Variants in ZNF169 observed in about 807,000 individuals in gnomAD.
The protein encoded by ZNF169 is zinc finger protein 169.
A neutral mutation model predicts 12.0 loss-of-function variants in ZNF169; 11 were observed. The observed-to-expected ratio is 0.92, with a 90% CI of 0.58 to 1.52. The LOEUF is 1.52. ZNF169 is among the 40% of genes most tolerant of loss of function. The probability of loss-of-function intolerance (pLI) is 0.00; values close to 1 mark genes in which losing one functional copy is unlikely to be tolerated. For missense variants in ZNF169, 722 were observed against 744.0 expected, an observed-to-expected ratio of 0.97 and a Z score of 0.34; for synonymous variants, 302 against 286.5, an observed-to-expected ratio of 1.05 and a Z score of -0.55.
chr9:94,292,643 G>A (rs537215462), intron 3 of ZNF169, 176 bp downstream of exon 3: 18 of 799,480 alleles, frequency 2.3e-5, no homozygotes, highest in South Asian at 5.6e-5. Flanking sequence ...GTGTGTGTGC[G>A]CGTGCACATG....
At chr9:94,267,763 C>T (rs1470851813) in intron 1 of ZNF169, among the ~76,000 whole-genome samples, 1 of 151,652 alleles carries the variant, frequency 6.6e-6, no homozygotes, top group South Asian at 2.1e-4. Flanking sequence ...GAGTCCTGAA[C>T]GTTTTTCCTC....
chr9:94,278,755 C>G lies in ZNF169; in HGVS notation c.-55-3C>G, dbSNP rs1456060590. ...CTCTCTCACTTCTCATCTCTTTCCC[C>G]AGATTTGCCTCTGCAACTTGACTCT... On this transcript the variant is annotated splice_polypyrimidine_tract_variant and splice_region_variant and intron_variant, in intron 1 of 4. Transcript: ENST00000395395. The G allele has an allele frequency of 6.4e-7, 1 of 1,566,770 alleles. No homozygotes were observed. The highest frequency in any genetic ancestry group is 8.8e-7 in the Non-Finnish European group (1 of 1,139,998).
intron 2 of ZNF169, chr9:94,288,303 A>G (rs1468090960): frequency 4.7e-6 from 4 of 859,942 alleles, no homozygotes; most frequent in South Asian, 2.6e-5. Flanking sequence ...CAGTAACCTC[A>G]GTGCCTGGTG....
chr9:94,270,354 CT>C (rs1297848087), intron 1 of ZNF169, among the ~76,000 whole-genome samples: 2 of 151,736 alleles, frequency 1.3e-5, no homozygotes, highest in African/African-American at 2.4e-5. Context: ...CACTTCTTTT[CT>C]ACTCTTTCTT....
intron 1 of ZNF169, among the ~76,000 whole-genome samples, chr9:94,273,575 C>CTTTTTTTTTTTTT (rs768421966): frequency 9.1e-6 from 1 of 109,964 alleles, no homozygotes; most frequent in Non-Finnish European, 1.9e-5. Context: ...AACTTTCTTT[C>CTTTTTTTTTTTTT]TTTCTTTTTT....
Position 94,300,290 on chromosome 9 carries a change from C to T in ZNF169, c.732C>T (p.Cys244=), listed in dbSNP as rs1451522989. The part of the protein sequence containing the change: ...HVCPECGRGF[C]QRSDLIKHQR... ...GCCCTGAATGCGGGAGAGGCTTTTG[C>T]CAGAGATCAGACCTTATCAAGCACC... The change falls in exon 5 of 5, where the codon TGC becomes TGT. Residue 244 remains cysteine (C), a synonymous_variant. Transcript: ENST00000395395. The T allele has an allele frequency of 6.2e-7, 1 of 1,614,170 alleles. No individual in the cohort carries two copies. Among genetic ancestry groups the T allele is most frequent in the Non-Finnish European group, 8.5e-7 (1 of 1,180,024 alleles).
chr9:94,285,612 C>A (rs1830708043), intron 2 of ZNF169, among the ~76,000 whole-genome samples: 4 of 152,164 alleles, frequency 2.6e-5, no homozygotes, highest in South Asian at 2.1e-4. Flanking sequence ...TATAAGTACA[C>A]TTCTGAAGAC....
intron 1 of ZNF169, among the ~76,000 whole-genome samples, chr9:94,268,784 T>C (rs1440100764): frequency 1.1e-5 from 1 of 90,776 alleles, no homozygotes; most frequent in African/African-American, 4.9e-5. Flanking sequence ...AGACTCCATT[T>C]CAAAAAAAAA....
intron 3 of ZNF169, 43 bp downstream of exon 3, chr9:94,292,510 A>G (rs1219619296): frequency 6.3e-7 from 1 of 1,587,398 alleles, no homozygotes; most frequent in South Asian, 1.1e-5. Context: ...GCTTGTGGGT[A>G]TTTTAAGCTC....
chr9:94,271,158 C>T (rs900947797), intron 1 of ZNF169, among the ~76,000 whole-genome samples: 3 of 148,872 alleles, frequency 2.0e-5, no homozygotes, highest in Admixed American at 6.9e-5. Context: ...TGCAGTAGCA[C>T]GATCATGGCT....
chr9:94,278,697 G>A (rs1830566533), intron 1 of ZNF169, 61 bp from the exon 2 acceptor site: 2 of 947,532 alleles, frequency 2.1e-6, no homozygotes, highest in Admixed American at 2.1e-5. Flanking sequence ...TTGGGAGGCT[G>A]GACAGAGTGT....
intron 1 of ZNF169, among the ~76,000 whole-genome samples, chr9:94,268,710 C>T (rs770895294): frequency 4.7e-5 from 7 of 147,698 alleles, no homozygotes; most frequent in Non-Finnish European, 8.9e-5. Context: ...TTGCTTGAAC[C>T]GGGAGGCAGG....
At chr9:94,279,323 T>A (rs924340358) in intron 2 of ZNF169, among the ~76,000 whole-genome samples, 1 of 151,188 alleles carries the variant, frequency 6.6e-6, no homozygotes, top group Non-Finnish European at 1.5e-5. Flanking sequence ...CCCAGGAGGC[T>A]GAGGTTGCAG....
intron 2 of ZNF169, chr9:94,288,193 A>G (rs1202650812): frequency 5.0e-6 from 4 of 804,984 alleles, no homozygotes; most frequent in Non-Finnish European, 6.6e-6. Context: ...ATGTGCTCCT[A>G]CTTGTACCCT....
Position 94,299,993 on chromosome 9 carries a change from G to A in ZNF169, c.435G>A (p.Glu145=). The part of the protein sequence containing the change: ...RCSSEKGESG[E]TEGPDSSLRK... ...CTAGTGAAAAAGGAGAAAGTGGAGA[G>A]ACAGAAGGCCCCGACAGCTCATTAA... is the stretch of plus-strand genomic sequence containing the variant. Residue 145 remains glutamate, a synonymous_variant, in exon 5 of 5, where the codon GAG becomes GAA. Transcript: ENST00000395395. 2.5e-6 allele frequency: 4 copies of A among 1,614,108 alleles called. No homozygotes were observed. Among genetic ancestry groups the A allele is most frequent in the Non-Finnish European group, 3.4e-6 (4 of 1,180,032 alleles).
chr9:94,300,209 T>C lies in ZNF169; in HGVS notation c.651T>C (p.Tyr217=). Residue 217 remains tyrosine (Y), a synonymous_variant, in exon 5 of 5, where the codon TAT becomes TAC. Coordinates refer to ENST00000395395, the MANE Select transcript of ZNF169 (RefSeq NM_194320.4). ...SESGAVIRGN[Y]RLGLSKKSSL... ...CTGGAGCAGTCATACGTGGAAACTA[T>C]AGACTGGGACTTAGCAAAAAGTCAA... 5.6e-6 allele frequency: 9 copies of C among 1,614,172 alleles called. No homozygotes were observed. The highest frequency in any genetic ancestry group is 7.6e-6 in the Non-Finnish European group (9 of 1,180,018).
chr9:94,279,697 T>A (rs569650139), intron 2 of ZNF169, among the ~76,000 whole-genome samples: 15 of 152,078 alleles, frequency 9.9e-5, no homozygotes, highest in Non-Finnish European at 2.2e-4. Flanking sequence ...AGGGATGAGA[T>A]GACTGGCAGG....
At chr9:94,286,977 A>G (rs992387056) in intron 2 of ZNF169, among the ~76,000 whole-genome samples, 1 of 152,200 alleles carries the variant, frequency 6.6e-6, no homozygotes, top group African/African-American at 2.4e-5. Flanking sequence ...CTTTCAGGTG[A>G]GTTTGTACAC....
rs1013701591 is a variant in ZNF169, at chr9:94,287,995, C to A, written c.34-4346C>A. On this transcript the variant is annotated intron_variant, in intron 2 of 4. Coordinates refer to ENST00000395395, the MANE Select transcript of ZNF169 (RefSeq NM_194320.4). ...ATGGAGCTGCCAAACTCTGTCCCATCATTCACTTTAGTGTGAAACTGGAAT... is the reference window on the plus strand; with the variant it reads ...ATGGAGCTGCCAAACTCTGTCCCATAATTCACTTTAGTGTGAAACTGGAAT... 1.3e-5 allele frequency: 10 copies of A among 799,506 alleles called. No homozygotes were observed. The Admixed American group carries it at 1.4e-4, about 11-fold the overall frequency. 49.5% of individuals were successfully genotyped at this position (799,506 alleles called of 1,614,324 possible).
Sources: gnomAD v4.1 joint callset for allele counts (sites outside exome capture counted in the v4.1 genomes callset) on GRCh38, gnomAD v4.1.1 for gene constraint, MANE v1.5 for transcripts, NCBI Gene and HGNC (gene_info 2026-07-23, HGNC 2026-07-21) for gene names.